The following CUX2 variants were observed in gnomAD, a reference collection of about 807,000 sequenced individuals.
CUX2 encodes the protein homeobox protein cut-like 2.
CUX2 carries 40 observed loss-of-function variants against 144.8 expected under a neutral mutation model. The observed-to-expected ratio is 0.28, with a 90% CI of 0.21 to 0.36. CUX2 has a LOEUF of 0.36. Among genes scored for constraint, CUX2 ranks in the 10% least tolerant of loss-of-function variants. The probability of loss-of-function intolerance (pLI) is 1.00; values close to 1 mark genes in which losing one functional copy is unlikely to be tolerated. For synonymous variants in CUX2, 827 were observed against 875.6 expected (o/e 0.94, Z 0.98); for missense variants, 1,615 against 1,994.0 (o/e 0.81, Z 3.62).
intron 16 of CUX2, among the ~76,000 whole-genome samples, chr12:111,313,499 G>A (rs868475860): frequency 5.3e-5 from 8 of 151,894 alleles, no homozygotes; most frequent in Middle Eastern, 3.4e-3. Flanking sequence ...AAAATTAGCT[G>A]GGCGTGGTGG....
chr12:111,124,598 C>T (rs560145885), intron 1 of CUX2, among the ~76,000 whole-genome samples: 2 of 152,204 alleles, frequency 1.3e-5, no homozygotes, highest in South Asian at 4.2e-4. Context: ...GGTTTTATGG[C>T]TGGTTTGGGG....
intron 1 of CUX2, among the ~76,000 whole-genome samples, chr12:111,158,344 A>T (rs755413228): frequency 6.6e-6 from 1 of 151,916 alleles, no homozygotes; most frequent in Non-Finnish European, 1.5e-5. Context: ...GCGGTGGCTC[A>T]TGCCTATAAT....
In CUX2 at chr12:111,317,991, C is replaced by T. The variant is rs535620651; in HGVS notation, c.2003-2021C>T. 2.0e-5 allele frequency among the ~76,000 whole-genome samples: 3 copies of T among 151,274 alleles called. No individual in the cohort carries two copies. The South Asian group carries it at 6.2e-4, about 31-fold the overall frequency. On this transcript the variant is annotated intron_variant, in intron 16 of 21. Coordinates refer to ENST00000261726, the MANE Select transcript of CUX2 (RefSeq NM_015267.4). ...CTCCAGCCTGGGCAACAGAACAAGA[C>T]TCAGTCAAAAAGAAAAAAGAAAAAA... is the stretch of plus-strand genomic sequence containing the variant.
intron 1 of CUX2, among the ~76,000 whole-genome samples, chr12:111,115,404 G>T (rs1319941454): frequency 2.7e-5 from 4 of 148,870 alleles, no homozygotes; most frequent in African/African-American, 9.9e-5. Flanking sequence ...TCCTTCCTCA[G>T]GCTCCGGAGT....
chr12:111,083,931 A>G (rs1872048722), intron 1 of CUX2, among the ~76,000 whole-genome samples: 1 of 152,176 alleles, frequency 6.6e-6, no homozygotes, highest in African/African-American at 2.4e-5. Flanking sequence ...AGCCCTTGGC[A>G]CAAAGGGCAG....
chr12:111,334,682 G>T lies in CUX2; in HGVS notation c.3168G>T (p.Val1056=). The T allele has an allele frequency of 6.2e-7, 1 of 1,612,544 alleles. No individual in the cohort carries two copies. Among genetic ancestry groups the T allele is most frequent in the Non-Finnish European group, 8.5e-7 (1 of 1,179,252 alleles). ...ACACGTACTCCATCACCAAGAGGGT[G>T]AAGGAGGTCCTCACAGACAACAATC... ...ELDTYSITKR[V]KEVLTDNNLG... Residue 1056 remains valine, a synonymous_variant, in exon 19 of 22, where the codon GTG becomes GTT. Coordinates refer to ENST00000261726, the MANE Select transcript of CUX2 (RefSeq NM_015267.4).
intron 20 of CUX2, among the ~76,000 whole-genome samples, chr12:111,340,915 G>A (rs1021803595): frequency 4.6e-5 from 7 of 152,068 alleles, no homozygotes; most frequent in African/African-American, 1.4e-4. Context: ...CACAGCATGC[G>A]AAGTCCTGTT....
intron 1 of CUX2, among the ~76,000 whole-genome samples, chr12:111,207,369 C>G (rs1880978058): frequency 6.6e-6 from 1 of 152,186 alleles, no homozygotes. Flanking sequence ...CTTGGAGGAT[C>G]CAGGCTATAT....
At chr12:111,072,912 T>G (rs1020661559) in intron 1 of CUX2, among the ~76,000 whole-genome samples, 2 of 152,208 alleles carry the variant, frequency 1.3e-5, no homozygotes, top group Non-Finnish European at 2.9e-5. Flanking sequence ...TCCTACTCAT[T>G]CTTTTGAAAA....
intron 1 of CUX2, among the ~76,000 whole-genome samples, chr12:111,150,037 C>G (rs1876937234): frequency 6.6e-6 from 1 of 152,152 alleles, no homozygotes; most frequent in South Asian, 2.1e-4. Context: ...AATACATGAT[C>G]ATTTTGAGAA....
At chr12:111,207,655 T>G (rs919059546) in intron 1 of CUX2, among the ~76,000 whole-genome samples, 17 of 152,168 alleles carry the variant, frequency 1.1e-4, no homozygotes, top group Non-Finnish European at 2.2e-4. Flanking sequence ...CAAGAGATAC[T>G]GTACATAAAG....
chr12:111,196,030 C>T (rs970688323), intron 1 of CUX2, among the ~76,000 whole-genome samples: 9 of 152,208 alleles, frequency 5.9e-5, no homozygotes, highest in East Asian at 1.9e-4. Context: ...ATCCCACTCC[C>T]AGCCCCAGGA....
intron 1 of CUX2, among the ~76,000 whole-genome samples, chr12:111,133,945 A>C (rs768244944): frequency 2.0e-4 from 30 of 152,180 alleles, no homozygotes; most frequent in Non-Finnish European, 3.8e-4. Context: ...CCTAACTTTC[A>C]GGGTTCCATT....
intron 1 of CUX2, among the ~76,000 whole-genome samples, chr12:111,044,217 C>T (rs1869890445): frequency 6.6e-6 from 1 of 152,184 alleles, no homozygotes; most frequent in South Asian, 2.1e-4. Flanking sequence ...GGGATTGGGA[C>T]ATCTGCATAA....
Position 111,320,651 on chromosome 12 carries a change from C to T in CUX2, c.2642C>T (p.Pro881Leu). The change falls in exon 17 of 22, where the codon CCG (proline) becomes CTG (leucine). Residue 881 changes from proline (P) to leucine (L), a missense_variant. This residue lies in a region of CUX2 where 390 missense variants were observed against 387.1 expected (regional missense o/e 1.01). Coordinates refer to ENST00000261726, the MANE Select transcript of CUX2 (RefSeq NM_015267.4). The surrounding 1 kb of genome is among the most constrained non-coding windows in gnomAD (Gnocchi z 8.1). ...CCGCGCACCCTGAAGCCCACCGTGC[C>T]GCCGCTGACCCCCGAGCAGTACGAG... The part of the protein sequence containing the change: ...YVPRTLKPTV[P>L]PLTPEQYELY... 2 of 1,596,652 alleles carry T rather than the reference C, an allele frequency of 1.3e-6. No individual in the cohort carries two copies. Among genetic ancestry groups the T allele is most frequent in the East Asian group, 2.2e-5 (1 of 44,682 alleles).
intron 1 of CUX2, among the ~76,000 whole-genome samples, chr12:111,088,392 CCT>C (rs769844967): frequency 7.2e-5 from 11 of 152,054 alleles, no homozygotes; most frequent in Non-Finnish European, 1.5e-4. Flanking sequence ...CCACGCCCAG[CCT>C]CTCTGTATTC....
At chr12:111,040,127 A>G (rs1451367681) in intron 1 of CUX2, among the ~76,000 whole-genome samples, 2 of 151,384 alleles carry the variant, frequency 1.3e-5, no homozygotes, top group African/African-American at 2.4e-5. Context: ...TCTCTACAAA[A>G]AATAAAAAAA....
At chr12:111,087,929 A>C (rs186636529) in intron 1 of CUX2, among the ~76,000 whole-genome samples, 5 of 152,314 alleles carry the variant, frequency 3.3e-5, no homozygotes, top group Admixed American at 2.6e-4. Flanking sequence ...CAGTGGTTCA[A>C]CTGTGGCACC....
At chr12:111,217,704 G>A (rs937729468) in intron 2 of CUX2, among the ~76,000 whole-genome samples, 186 bp from the exon 3 acceptor site, 8 of 152,338 alleles carry the variant, frequency 5.3e-5, no homozygotes, top group African/African-American at 1.9e-4. Flanking sequence ...TGGACTTGAC[G>A]TTTCCCAGTC....
Sources: allele counts gnomAD v4.1 joint callset (sites outside exome capture counted in the v4.1 genomes callset), GRCh38; gene constraint gnomAD v4.1.1; regional missense constraint gnomAD v4.1.1; non-coding constraint Gnocchi (gnomAD v3.1); transcripts MANE v1.5; gene names NCBI Gene and HGNC (gene_info 2026-07-23, HGNC 2026-07-21).